The following NME7 variants were observed in gnomAD, a reference collection of about 807,000 sequenced individuals.
NME7 encodes nucleoside diphosphate kinase 7.
A neutral mutation model predicts 49.1 loss-of-function variants in NME7; 41 were observed. The observed-to-expected ratio is 0.83, with a 90% CI of 0.65 to 1.08. NME7 has a LOEUF of 1.08. Among genes scored for constraint, NME7 ranks in the 50% least tolerant of loss-of-function variants. The pLI is 0.00. For missense variants in NME7, 423 were observed against 463.4 expected (o/e 0.91, Z 0.80); for synonymous variants, 139 against 150.6 (o/e 0.92, Z 0.56).
chr1:169,194,443 G>C (rs916588280), intron 10 of NME7, among the ~76,000 whole-genome samples: 5 of 152,188 alleles, frequency 3.3e-5, no homozygotes, highest in Non-Finnish European at 5.9e-5. Flanking sequence ...GAGATCAGGA[G>C]AGTGAGAGAT....
chr1:169,269,333 C>T lies in NME7; in HGVS notation c.754+17970G>A, dbSNP rs1232893075. Among the ~76,000 whole-genome samples the T allele has an allele frequency of 1.5e-5, 2 of 133,894 alleles. 1 individual carries two copies. Among genetic ancestry groups the T allele is most frequent in the Non-Finnish European group, 3.5e-5 (2 of 57,064 alleles). The allele number at this position is 133,894 out of a possible 152,430, so 87.8% of individuals were successfully genotyped here. Reference sequence around the variant, plus strand: ...TGATAAAATTCCATCCAACTGTTTACTTTTTCAGATAGAACAGAACACATT... The same window carrying T: ...TGATAAAATTCCATCCAACTGTTTATTTTTTCAGATAGAACAGAACACATT... On this transcript the variant is annotated intron_variant, in intron 7 of 11. Transcript: ENST00000367811.
At chr1:169,207,679 G>GT (rs761648109) in intron 10 of NME7, among the ~76,000 whole-genome samples, 27 of 152,112 alleles carry the variant, frequency 1.8e-4, no homozygotes, top group Non-Finnish European at 3.2e-4. Flanking sequence ...GAGTTTTGGT[G>GT]TATCAGTATG....
At chr1:169,352,596 G>A (rs868263722) in intron 1 of NME7, among the ~76,000 whole-genome samples, 2 of 151,852 alleles carry the variant, frequency 1.3e-5, no homozygotes, top group East Asian at 1.9e-4. Context: ...GAGAGAAAGG[G>A]CATCCAAATT....
intron 1 of NME7, among the ~76,000 whole-genome samples, chr1:169,335,708 T>TTA (rs1553195297): frequency 6.8e-6 from 1 of 146,922 alleles, no homozygotes; most frequent in Non-Finnish European, 1.5e-5. Context: ...TTTATATATT[T>TTA]TATATATATT....
intron 7 of NME7, among the ~76,000 whole-genome samples, chr1:169,241,938 A>C (rs1279232426): frequency 6.6e-6 from 1 of 151,796 alleles, no homozygotes; most frequent in Non-Finnish European, 1.5e-5. Flanking sequence ...ATACTTTTTA[A>C]AAAATTTTAA....
At chr1:169,213,365 G>A (rs1348551127) in intron 10 of NME7, among the ~76,000 whole-genome samples, 2 of 127,464 alleles carry the variant, frequency 1.6e-5, no homozygotes, top group Non-Finnish European at 3.5e-5. Context: ...GAACTGCACA[G>A]GAGTAAAAAA....
chr1:169,177,924 CCTCCCAGGTTCACACCATT>C (rs1213244138), intron 10 of NME7, among the ~76,000 whole-genome samples: 1 of 152,100 alleles, frequency 6.6e-6, no homozygotes, highest in Non-Finnish European at 1.5e-5. Flanking sequence ...GCAAGCTCCG[CCTCCCAGGTTCACACCATT>C]CTCCTGCCTC....
intron 10 of NME7, among the ~76,000 whole-genome samples, chr1:169,190,240 A>G (rs954386246): frequency 2.0e-5 from 3 of 152,074 alleles, no homozygotes; most frequent in African/African-American, 7.2e-5. Flanking sequence ...GTTAATCCAT[A>G]TGCTGGAACA....
intron 10 of NME7, among the ~76,000 whole-genome samples, chr1:169,207,831 A>G (rs1348901424): frequency 6.6e-6 from 1 of 152,076 alleles, no homozygotes. Context: ...GTCTGGAAAT[A>G]AAGAAAACAA....
At chr1:169,292,232 T>C (rs1650535014) in intron 6 of NME7, among the ~76,000 whole-genome samples, 1 of 152,132 alleles carries the variant, frequency 6.6e-6, no homozygotes. Flanking sequence ...ATAAAACTTC[T>C]AGAAGCAAAT....
intron 1 of NME7, among the ~76,000 whole-genome samples, chr1:169,352,519 C>T (rs1204024538): frequency 6.6e-6 from 1 of 152,076 alleles, no homozygotes; most frequent in African/African-American, 2.4e-5. Context: ...AGATCTGGAA[C>T]ATGACAAGGT....
chr1:169,249,793 T>C (rs1321426505), intron 7 of NME7, among the ~76,000 whole-genome samples: 2 of 152,128 alleles, frequency 1.3e-5, no homozygotes, highest in Admixed American at 6.6e-5. Context: ...TTGACTTGCA[T>C]ATTTTAAACC....
At chr1:169,177,819 C>T (rs562798795) in intron 10 of NME7, among the ~76,000 whole-genome samples, 4 of 145,912 alleles carry the variant, frequency 2.7e-5, no homozygotes, top group East Asian at 2.3e-4. Context: ...TTTCCCTTGG[C>T]TCAGCAATTC....
chr1:169,312,133 C>T (rs1166962460), intron 3 of NME7, among the ~76,000 whole-genome samples: 1 of 152,316 alleles, frequency 6.6e-6, no homozygotes, highest in East Asian at 1.9e-4. Context: ...GTAGGCTGTG[C>T]AATGGTTTCA....
chr1:169,359,807 T>C (rs1042462397), intron 1 of NME7, among the ~76,000 whole-genome samples: 1 of 152,044 alleles, frequency 6.6e-6, no homozygotes, highest in East Asian at 1.9e-4. Context: ...TTAAAGAGTA[T>C]AGAAATATGA....
intron 10 of NME7, among the ~76,000 whole-genome samples, chr1:169,215,150 C>T (rs1660940678): frequency 6.6e-6 from 1 of 152,166 alleles, no homozygotes; most frequent in Admixed American, 6.5e-5. Context: ...GGGCAGATCT[C>T]TCCCCTGAAG....
intron 7 of NME7, among the ~76,000 whole-genome samples, chr1:169,246,517 G>A (rs1648322947): frequency 6.6e-6 from 1 of 152,130 alleles, no homozygotes; most frequent in African/African-American, 2.4e-5. Flanking sequence ...ACCCAAATCT[G>A]AAATTCACAT....
chr1:169,197,993 A>G (rs992127070), intron 10 of NME7, among the ~76,000 whole-genome samples: 2 of 152,138 alleles, frequency 1.3e-5, no homozygotes, highest in Non-Finnish European at 2.9e-5. Flanking sequence ...TTGATAACAT[A>G]TAACTCTTAC....
rs564805844 is a variant in NME7, at chr1:169,174,565, T to C, written c.991-5011A>G. Among the ~76,000 whole-genome samples the C allele has an allele frequency of 2.0e-5, 3 of 152,320 alleles. No individual in the cohort carries two copies. The South Asian group carries it at 6.2e-4, about 32-fold the overall frequency. ...AGGTGATTTCCTCATTGTGTGAACA[T>C]CATAGAGTGTACTTACACAAACCTA... On this transcript the variant is annotated intron_variant, in intron 10 of 11. Transcript: ENST00000367811.
Sources: allele counts gnomAD v4.1 joint callset (sites outside exome capture counted in the v4.1 genomes callset), GRCh38; gene constraint gnomAD v4.1.1; transcripts MANE v1.5; gene names NCBI Gene and HGNC (gene_info 2026-07-23, HGNC 2026-07-21).